FGF12: variants seen among roughly 807,000 people sequenced by gnomAD.
The protein encoded by FGF12 is fibroblast growth factor 12B.
FGF12 carries 14 observed loss-of-function variants against 23.6 expected under a neutral mutation model. The observed-to-expected ratio is 0.59, with a 90% CI of 0.39 to 0.93. FGF12 has a LOEUF of 0.93. Ranked by LOEUF, FGF12 falls within the 40% of genes least tolerant of loss-of-function variation. FGF12 has a pLI of 0.00. For missense variants in FGF12, 175 were observed against 217.8 expected (o/e 0.80, Z 1.24); for synonymous variants, 62 against 77.3 (o/e 0.80, Z 1.04).
chr3:192,197,160 T>C (rs1193714527), intron 4 of FGF12, among the ~76,000 whole-genome samples: 1 of 152,250 alleles, frequency 6.6e-6, no homozygotes, highest in Admixed American at 6.5e-5. Context: ...TGTGCAATTT[T>C]CTATAAGTCT....
intron 2 of FGF12, among the ~76,000 whole-genome samples, chr3:192,554,067 C>T (rs1711650453): frequency 6.6e-6 from 1 of 152,208 alleles, no homozygotes; most frequent in Non-Finnish European, 1.5e-5. Context: ...GCCCGAAGGA[C>T]TAGATTCTGT....
chr3:192,487,178 C>T (rs1212701644), intron 2 of FGF12, among the ~76,000 whole-genome samples: 1 of 152,038 alleles, frequency 6.6e-6, no homozygotes, highest in African/African-American at 2.4e-5. Flanking sequence ...TAGCCTACCT[C>T]ATTCACTTTT....
intron 2 of FGF12, chr3:192,407,965 T>C (rs927685721): frequency 1.2e-5 from 18 of 1,507,302 alleles, no homozygotes; most frequent in African/African-American, 9.7e-5. Context: ...CCGAGGTGCT[T>C]TGAGGAGGGA....
At chr3:192,595,592 C>T (rs564665017) in intron 2 of FGF12, among the ~76,000 whole-genome samples, 8 of 152,324 alleles carry the variant, frequency 5.3e-5, no homozygotes, top group South Asian at 2.1e-4. Context: ...GTATCTGACT[C>T]AGTAGGCCTG....
At chr3:192,228,584 C>A (rs1718857906) in intron 4 of FGF12, among the ~76,000 whole-genome samples, 1 of 151,998 alleles carries the variant, frequency 6.6e-6, no homozygotes, top group African/African-American at 2.4e-5. Context: ...TCACAATCAC[C>A]ATGCCCTCGG....
At chr3:192,564,739 T>C (rs6802533) in intron 2 of FGF12, among the ~76,000 whole-genome samples, 90,963 of 152,038 alleles carry the variant, frequency 0.6, 27,563 homozygotes, top group South Asian at 0.71. Context: ...CTTGACATTC[T>C]GCATTCCACT....
intron 4 of FGF12, among the ~76,000 whole-genome samples, chr3:192,244,229 A>C (rs995145198): frequency 6.6e-5 from 10 of 152,118 alleles, no homozygotes; most frequent in African/African-American, 2.4e-4. Context: ...GATATACTAT[A>C]AAATGTGCAG....
chr3:192,254,085 G>A (rs1712215944), intron 4 of FGF12, among the ~76,000 whole-genome samples: 1 of 151,716 alleles, frequency 6.6e-6, no homozygotes, highest in African/African-American at 2.4e-5. Context: ...ATTGTTATTA[G>A]CTATAGTCAC....
At chr3:192,270,786 G>GGGAAGGAAGGAAGGAAGGAA (rs57509999) in intron 4 of FGF12, among the ~76,000 whole-genome samples, 5 of 149,802 alleles carry the variant, frequency 3.3e-5, no homozygotes, top group African/African-American at 9.9e-5. Flanking sequence ...GAAGAAAAGT[G>GGGAAGGAAGGAAGGAAGGAA]GGAAGGAAGG....
chr3:192,269,496 AGTTCCT>A (rs1291926992), intron 4 of FGF12, among the ~76,000 whole-genome samples: 3 of 152,158 alleles, frequency 2.0e-5, no homozygotes, highest in Non-Finnish European at 4.4e-5. Flanking sequence ...AATCTTGCTC[AGTTCCT>A]TCATGTGTAA....
chr3:192,213,181 T>C (rs1718022450), intron 4 of FGF12, among the ~76,000 whole-genome samples: 1 of 152,224 alleles, frequency 6.6e-6, no homozygotes, highest in Non-Finnish European at 1.5e-5. Context: ...AGCACAATTG[T>C]CCCAGCAAGC....
chr3:192,250,814 A>G lies in FGF12; in HGVS notation c.229-80158T>C, dbSNP rs751424574. 7.4e-4 allele frequency among the ~76,000 whole-genome samples: 113 copies of G among 152,134 alleles called. 1 individual carries two copies. Among genetic ancestry groups the G allele is most frequent in the Non-Finnish European group, 3.4e-4 (23 of 67,992 alleles). ...TTTTTTTTAATTTCTGGTAGACTAG[A>G]AAGGAAGGATCCAACTCGGATGTTC... On this transcript the variant is annotated intron_variant, in intron 4 of 5. Coordinates refer to ENST00000445105, the MANE Select transcript of FGF12 (RefSeq NM_004113.6).
At chr3:192,295,638 A>G (rs1714988649) in intron 4 of FGF12, among the ~76,000 whole-genome samples, 1 of 152,228 alleles carries the variant, frequency 6.6e-6, no homozygotes, top group African/African-American at 2.4e-5. Context: ...ACAGGAAGCA[A>G]TATTAAAGTA....
intron 4 of FGF12, among the ~76,000 whole-genome samples, chr3:192,249,690 T>C (rs543137559): frequency 3.3e-5 from 5 of 152,302 alleles, no homozygotes; most frequent in South Asian, 2.1e-4. Flanking sequence ...ACTGTTCACA[T>C]AGTAACTTCA....
chr3:192,156,018 C>A (rs1024641711), intron 5 of FGF12, among the ~76,000 whole-genome samples: 3 of 152,092 alleles, frequency 2.0e-5, no homozygotes, highest in Non-Finnish European at 4.4e-5. Context: ...ATTATTTCAC[C>A]AGGAATAGAT....
intron 4 of FGF12, among the ~76,000 whole-genome samples, chr3:192,233,812 A>G (rs1175417086): frequency 6.6e-6 from 1 of 152,086 alleles, no homozygotes; most frequent in Non-Finnish European, 1.5e-5. Context: ...TCCTTTTCCC[A>G]TTGATTGTTA....
chr3:192,205,202 G>A (rs1326597574), intron 4 of FGF12, among the ~76,000 whole-genome samples: 1 of 152,146 alleles, frequency 6.6e-6, no homozygotes, highest in Non-Finnish European at 1.5e-5. Context: ...AGATTTTTGT[G>A]TGGTCCCAGA....
rs1200280172 is a variant in FGF12, at chr3:192,143,491, T to C, written c.*518A>G. ...TATAATTTGGAAATGTTCAATTTCA[T>C]GGTTACAAAAAAAATCCTGCAAACA... On this transcript the variant is annotated 3_prime_UTR_variant, in exon 6 of 6. Transcript: ENST00000445105. The C allele has an allele frequency of 6.6e-6, 1 of 152,184 alleles. No homozygotes were observed. The highest frequency in any genetic ancestry group is 6.5e-5 in the Admixed American group (1 of 15,268). The allele number at this position is 152,184 out of a possible 1,614,324, so 9.4% of individuals were successfully genotyped here. A position where few individuals can be genotyped will look rare whatever the true frequency, so the allele number is the denominator to read the frequency against.
rs1385877630 is a variant in FGF12 at position 192,408,160 on chromosome 3, C to T, written c.14-47622G>A. On this transcript the variant is annotated intron_variant, in intron 2 of 5. Coordinates refer to ENST00000445105, the MANE Select transcript of FGF12 (RefSeq NM_004113.6). This position sits in a 1 kb window ranked among gnomAD's most constrained non-coding sequence, Gnocchi z 7.3. ...CGGCGCTTGGAGGCCGACACTCGGT[C>T]GCTGTTGGACTCCCTCGCCTGCCGC... 6.2e-7 allele frequency: 1 copy of T among 1,610,974 alleles called. No individual in the cohort carries two copies. Among genetic ancestry groups the T allele is most frequent in the Admixed American group, 1.7e-5 (1 of 60,012 alleles).
Sources: gnomAD v4.1 joint callset for allele counts (sites outside exome capture counted in the v4.1 genomes callset) on GRCh38, gnomAD v4.1.1 for gene constraint, Gnocchi (gnomAD v3.1) non-coding constraint, MANE v1.5 for transcripts, NCBI Gene and HGNC (gene_info 2026-07-23, HGNC 2026-07-21) for gene names.